The following POMP variants were observed in gnomAD, a reference collection of about 807,000 sequenced individuals.
The protein encoded by POMP is proteasome maturation protein, also known as 2510048O06Rik.
POMP carries 12 observed loss-of-function variants against 20.6 expected under a neutral mutation model. That is an observed-to-expected ratio of 0.58 (90% CI 0.37 to 0.94). The LOEUF is 0.94. Ranked by LOEUF, POMP falls within the 40% of genes least tolerant of loss-of-function variation. POMP has a pLI of 0.01. For synonymous variants in POMP, 53 were observed against 55.0 expected (o/e 0.96, Z 0.16); for missense variants, 136 against 161.1 (o/e 0.84, Z 0.84).
chr13:28,677,245 A>G (rs1373158443), intron 5 of POMP, among the ~76,000 whole-genome samples: 1 of 151,766 alleles, frequency 6.6e-6, no homozygotes, highest in Non-Finnish European at 1.5e-5. Flanking sequence ...TTATATACAC[A>G]GCAGTTTATT....
At chr13:28,669,710 A>G (rs555839132) in intron 4 of POMP, among the ~76,000 whole-genome samples, 1 of 152,202 alleles carries the variant, frequency 6.6e-6, no homozygotes, top group East Asian at 1.9e-4. Flanking sequence ...TGTAGGTTCC[A>G]TTTGTTTTGC....
At chr13:28,659,433 C>T (rs1056186247) in intron 1 of POMP, among the ~76,000 whole-genome samples, 1 of 152,226 alleles carries the variant, frequency 6.6e-6, no homozygotes, top group East Asian at 1.9e-4. Flanking sequence ...GCTCGGTTTG[C>T]GCCCTTCCAT....
intron 1 of POMP, among the ~76,000 whole-genome samples, chr13:28,660,702 CTT>C (rs1884322868): frequency 6.6e-6 from 1 of 152,178 alleles, no homozygotes. Context: ...AGTCCAGATT[CTT>C]TTCCTCGTCC....
intron 4 of POMP, among the ~76,000 whole-genome samples, chr13:28,671,009 T>A (rs1401001047): frequency 6.6e-6 from 1 of 152,086 alleles, no homozygotes; most frequent in African/African-American, 2.4e-5. Flanking sequence ...ATCACACCAT[T>A]GCACTCCAGC....
intron 2 of POMP, among the ~76,000 whole-genome samples, chr13:28,663,519 A>G (rs971795619): frequency 2.6e-5 from 4 of 152,138 alleles, no homozygotes; most frequent in Admixed American, 6.5e-5. Flanking sequence ...TGTGTTGGTC[A>G]GGCTGGCCTT....
intron 4 of POMP, among the ~76,000 whole-genome samples, chr13:28,669,591 G>T (rs1884511391): frequency 6.6e-6 from 1 of 152,074 alleles, no homozygotes; most frequent in Non-Finnish European, 1.5e-5. Context: ...TGTTGCCTAG[G>T]CTGGTCCTAA....
At chr13:28,674,354 G>A (rs1301018511) in intron 5 of POMP, among the ~76,000 whole-genome samples, 1 of 152,172 alleles carries the variant, frequency 6.6e-6, no homozygotes, top group Non-Finnish European at 1.5e-5. Context: ...TTAGAGGAGA[G>A]GAACTCCATG....
At chr13:28,675,531 T>G (rs1884613502) in intron 5 of POMP, among the ~76,000 whole-genome samples, 1 of 152,208 alleles carries the variant, frequency 6.6e-6, no homozygotes, top group Non-Finnish European at 1.5e-5. Flanking sequence ...TATTGCATAA[T>G]ATACGGTTAA....
intron 5 of POMP, 135 bp downstream of exon 5, chr13:28,672,567 A>G: frequency 1.3e-6 from 1 of 744,258 alleles, no homozygotes; most frequent in South Asian, 1.4e-5. Context: ...GCATTAAGAT[A>G]AAGTTTAATG....
In POMP at chr13:28,668,475, C is replaced by T. The variant is rs1322752479; in HGVS notation, c.165C>T (p.Phe55=). Residue 55 remains phenylalanine (F), a splice_region_variant and synonymous_variant, in exon 4 of 6, where the codon TTC becomes TTT. Coordinates refer to ENST00000380842, the MANE Select transcript of POMP (RefSeq NM_015932.6). Reference sequence around the variant, plus strand: ...TAAAATTACATTGTCTTTTGTAGTTCCAGCTCAACCAAGATAAAATGAATT... The same window carrying T: ...TAAAATTACATTGTCTTTTGTAGTTTCAGCTCAACCAAGATAAAATGAATT... The part of the protein sequence containing the change: ...SHPLELSEKN[F]QLNQDKMNFS... 4 of 1,599,796 alleles carry T rather than the reference C, an allele frequency of 2.5e-6. No homozygotes were observed. The South Asian group carries it at 4.4e-5, about 18-fold the overall frequency.
In POMP at chr13:28,668,461, T is replaced by C. The variant is rs1456558689; in HGVS notation, c.163-12T>C. The C allele has an allele frequency of 1.5e-5, 23 of 1,564,014 alleles. No homozygotes were observed. The highest frequency in any genetic ancestry group is 1.9e-5 in the Non-Finnish European group (22 of 1,134,890). The stretch of plus-strand genomic sequence containing the variant: ...TTGAGTGTAATGTTTAAAATTACAT[T>C]GTCTTTTGTAGTTCCAGCTCAACCA... On this transcript the variant is annotated splice_polypyrimidine_tract_variant and intron_variant, in intron 3 of 5. Transcript: ENST00000380842.
At chr13:28,660,315 T>C (rs539763787) in intron 1 of POMP, among the ~76,000 whole-genome samples, 47 of 152,310 alleles carry the variant, frequency 3.1e-4, no homozygotes, top group African/African-American at 1.1e-3. Flanking sequence ...CATATTTGAG[T>C]ACCAATACAG....
chr13:28,664,133 T>C (rs1381745290), intron 2 of POMP, among the ~76,000 whole-genome samples: 2 of 150,544 alleles, frequency 1.3e-5, no homozygotes, highest in Non-Finnish European at 2.9e-5. Context: ...CTGAAGGGAA[T>C]AGGCTTAGTT....
intron 2 of POMP, 66 bp from the exon 3 acceptor site, chr13:28,664,443 T>G: frequency 4.5e-6 from 5 of 1,102,492 alleles, no homozygotes; most frequent in Non-Finnish European, 6.8e-6. Context: ...TAGATATGAT[T>G]TTGAGCTCTG....
chr13:28,665,499 T>C (rs1273642185), intron 3 of POMP, among the ~76,000 whole-genome samples: 9 of 152,190 alleles, frequency 5.9e-5, no homozygotes. Flanking sequence ...CACTTATAAG[T>C]ATGTGAGTAT....
intron 1 of POMP, chr13:28,659,962 C>G (rs901687051): frequency 5.3e-5 from 8 of 152,180 alleles, no homozygotes; most frequent in Non-Finnish European, 8.8e-5. Flanking sequence ...TTTAGGCACT[C>G]TCAAATGTAA....
At chr13:28,667,373 G>C (rs1168606187) in intron 3 of POMP, among the ~76,000 whole-genome samples, 1 of 152,138 alleles carries the variant, frequency 6.6e-6, no homozygotes, top group Non-Finnish European at 1.5e-5. Context: ...CTGCACTCCA[G>C]CCACATAGCA....
chr13:28,659,144 A>C lies in POMP; in HGVS notation c.-41A>C. 1.3e-6 allele frequency: 2 copies of C among 1,573,712 alleles called. No homozygotes were observed. Among genetic ancestry groups the C allele is most frequent in the Non-Finnish European group, 1.7e-6 (2 of 1,160,382 alleles). On this transcript the variant is annotated 5_prime_UTR_variant, in exon 1 of 6. Transcript: ENST00000380842. ...CGGAAGTGAGCGGCGGGGTCGACTGACGGTAACGGGGCAGAGAGGCTGTTC... is the reference window on the plus strand; with the variant it reads ...CGGAAGTGAGCGGCGGGGTCGACTGCCGGTAACGGGGCAGAGAGGCTGTTC...
At chr13:28,673,479 C>T (rs1017686329) in intron 5 of POMP, among the ~76,000 whole-genome samples, 6 of 152,206 alleles carry the variant, frequency 3.9e-5, no homozygotes, top group African/African-American at 1.4e-4. Context: ...TAAACAAATA[C>T]AATCCTGTCC....
Sources: gnomAD v4.1 joint callset for allele counts (sites outside exome capture counted in the v4.1 genomes callset) on GRCh38, gnomAD v4.1.1 for gene constraint, MANE v1.5 for transcripts, NCBI Gene and HGNC (gene_info 2026-07-23, HGNC 2026-07-21) for gene names.